Variants in GSE1 observed in about 807,000 individuals in gnomAD.
GSE1 encodes genetic suppressor element 1.
A neutral mutation model predicts 112.6 loss-of-function variants in GSE1; 32 were observed. The observed-to-expected ratio is 0.28, with a 90% CI of 0.21 to 0.38. The LOEUF (loss-of-function observed/expected upper bound fraction) is 0.38. GSE1 is among the 10% of genes least tolerant of loss of function. The pLI is 1.00. For missense variants in GSE1, 2,348 were observed against 1,699.2 expected (o/e 1.38, Z -6.71); for synonymous variants, 1,115 against 735.6 (o/e 1.52, Z -8.35).
intron 1 of GSE1, among the ~76,000 whole-genome samples, chr16:85,619,987 G>A (rs907123950): frequency 3.9e-5 from 6 of 152,148 alleles, no homozygotes; most frequent in Admixed American, 2.0e-4. Flanking sequence ...CGGCTGCTTC[G>A]GAAGGCCCTG....
chr16:85,668,561 TG>T (rs1287537233), intron 14 of GSE1, 137 bp downstream of exon 14: 1 of 641,996 alleles, frequency 1.6e-6, no homozygotes, highest in Non-Finnish European at 2.7e-6. Flanking sequence ...ATATGAATAC[TG>T]GAAGTTTCTT....
chr16:85,550,147 G>A (rs917209135), intron 2 of GSE1, among the ~76,000 whole-genome samples: 1 of 152,170 alleles, frequency 6.6e-6, no homozygotes, highest in African/African-American at 2.4e-5. Context: ...GGGTCAAAAT[G>A]TTAATGTCAC....
chr16:85,197,905 C>T (rs1409965897), intron 1 of GSE1, among the ~76,000 whole-genome samples: 1 of 152,154 alleles, frequency 6.6e-6, no homozygotes, highest in South Asian at 2.1e-4. Context: ...GCGTGGTTCT[C>T]GTGAGGTGTG....
At chr16:85,389,329 A>G (rs1447553266) in intron 2 of GSE1, among the ~76,000 whole-genome samples, 5 of 152,044 alleles carry the variant, frequency 3.3e-5, no homozygotes, top group Admixed American at 1.3e-4. Flanking sequence ...GTGTGGTGGC[A>G]GGCACCTGTA....
At chr16:85,216,917 C>T (rs1210088244) in intron 1 of GSE1, among the ~76,000 whole-genome samples, 2 of 152,226 alleles carry the variant, frequency 1.3e-5, no homozygotes, top group Non-Finnish European at 2.9e-5. Context: ...TGCAGCACCC[C>T]CTCTTTGGGT....
rs143587808 is a variant in GSE1 at position 85,183,967 on chromosome 16, A to T, written c.2283+12160A>T. Among the ~76,000 whole-genome samples, 576 of 152,246 alleles carry T rather than the reference A, an allele frequency of 3.8e-3. 2 individuals are homozygous for T. The highest frequency in any genetic ancestry group is 0.02 in the Middle Eastern group (6 of 294). ...TCTGCACAGACCAAGCTCCCAGTAA[A>T]AACTCGGTAATTGTTCATATTTGTT... On this transcript the variant is annotated intron_variant, in intron 1 of 2. Coordinates refer to the GSE1 transcript ENST00000637419.
chr16:85,515,283 A>C (rs2051890616), intron 2 of GSE1, among the ~76,000 whole-genome samples: 2 of 152,182 alleles, frequency 1.3e-5, no homozygotes, highest in Admixed American at 1.3e-4. Flanking sequence ...GCCCGGAGGC[A>C]GTGCCCGGGG....
At chr16:85,338,971 G>A (rs2046563986) in intron 1 of GSE1, among the ~76,000 whole-genome samples, 1 of 152,342 alleles carries the variant, frequency 6.6e-6, no homozygotes, top group African/African-American at 2.4e-5. Flanking sequence ...CATCCTGTGA[G>A]CGTCGTCGGT....
intron 2 of GSE1, among the ~76,000 whole-genome samples, chr16:85,515,437 G>C (rs929922489): frequency 6.6e-5 from 10 of 152,202 alleles, no homozygotes; most frequent in African/African-American, 2.2e-4. Flanking sequence ...CTTTAGCTTC[G>C]GGGCCTGGGG....
At chr16:85,440,938 C>T (rs1217390695) in intron 2 of GSE1, among the ~76,000 whole-genome samples, 1 of 152,214 alleles carries the variant, frequency 6.6e-6, no homozygotes, top group Non-Finnish European at 1.5e-5. Flanking sequence ...GCAATTCGAG[C>T]CCTGGGCCAC....
intron 2 of GSE1, among the ~76,000 whole-genome samples, chr16:85,474,655 C>T (rs145096519): frequency 1.3e-3 from 187 of 141,762 alleles, no homozygotes; most frequent in African/African-American, 4.5e-3. Flanking sequence ...CTCTTGCCCC[C>T]CCTCTTCCCC....
intron 1 of GSE1, among the ~76,000 whole-genome samples, chr16:85,221,334 A>ACCCC (rs112540261): frequency 0.012 from 1,717 of 148,276 alleles, 39 homozygotes; most frequent in African/African-American, 0.041. Context: ...ACACACACAC[A>ACCCC]CCCCAAGTAC....
At chr16:85,488,882 A>T (rs1009630992) in intron 2 of GSE1, among the ~76,000 whole-genome samples, 4 of 149,016 alleles carry the variant, frequency 2.7e-5, no homozygotes, top group African/African-American at 9.9e-5. Flanking sequence ...ACAGCAGAAG[A>T]CCCCCCCATT....
chr16:85,220,162 C>T (rs1042942051), intron 1 of GSE1, among the ~76,000 whole-genome samples: 33 of 152,356 alleles, frequency 2.2e-4, no homozygotes, highest in African/African-American at 7.5e-4. Flanking sequence ...AACATTTTCC[C>T]CTCTGGGCCA....
intron 1 of GSE1, among the ~76,000 whole-genome samples, chr16:85,308,221 C>T (rs1171133804): frequency 6.6e-6 from 1 of 152,200 alleles, no homozygotes; most frequent in Non-Finnish European, 1.5e-5. Context: ...GCCCTCAGCT[C>T]TGAAGACCAC....
intron 1 of GSE1, among the ~76,000 whole-genome samples, chr16:85,286,390 G>A (rs530988390): frequency 2.0e-5 from 3 of 152,330 alleles, no homozygotes; most frequent in East Asian, 1.9e-4. Flanking sequence ...CTTTGTGCCC[G>A]GCTGGTGCCT....
chr16:85,442,840 C>T (rs557992889), intron 2 of GSE1, among the ~76,000 whole-genome samples: 10 of 152,296 alleles, frequency 6.6e-5, no homozygotes, highest in Admixed American at 5.9e-4. Flanking sequence ...GCCGGAAGTC[C>T]GACATCAAGG....
At chr16:85,521,690 T>G (rs1006109733) in intron 2 of GSE1, among the ~76,000 whole-genome samples, 1 of 152,240 alleles carries the variant, frequency 6.6e-6, no homozygotes, top group Non-Finnish European at 1.5e-5. Context: ...CTAAGGGGTT[T>G]CCATCTCCCG....
chr16:85,672,474 C>G lies in GSE1; in HGVS notation c.3589C>G (p.Arg1197Gly), dbSNP rs1567775423. 3.7e-6 allele frequency: 6 copies of G among 1,611,086 alleles called. No individual in the cohort carries two copies. The highest frequency in any genetic ancestry group is 4.2e-6 in the Non-Finnish European group (5 of 1,177,674). ...GCTCCAGGCAGAACTGGACCACTTACGAAAGTGCCTTGCCTTGCCTGCAAT... is the reference window on the plus strand; with the variant it reads ...GCTCCAGGCAGAACTGGACCACTTAGGAAAGTGCCTTGCCTTGCCTGCAAT... Reference protein sequence around the residue: ...ERLQAELDHLRKCLALPAMHW... With the variant: ...ERLQAELDHLGKCLALPAMHW... The change falls in exon 16 of 16, where the codon CGA (arginine) becomes GGA (glycine). Residue 1197 changes from arginine to glycine, a missense_variant. By Grantham distance (125) the Arg-to-Gly change is moderately radical. Coordinates refer to ENST00000253458, the MANE Select transcript of GSE1 (RefSeq NM_014615.5).
Sources: gnomAD v4.1 joint callset for allele counts (sites outside exome capture counted in the v4.1 genomes callset) on GRCh38, gnomAD v4.1.1 for gene constraint, MANE v1.5 for transcripts, NCBI Gene and HGNC (gene_info 2026-07-23, HGNC 2026-07-21) for gene names.